Variants in RUSC2 observed in about 807,000 individuals in gnomAD.
RUSC2 encodes the protein AP-4 complex accessory subunit RUSC2.
RUSC2 carries 34 observed loss-of-function variants against 122.2 expected under a neutral mutation model. The observed-to-expected ratio is 0.28, with a 90% CI of 0.21 to 0.37. The LOEUF is 0.37. Among genes scored for constraint, RUSC2 ranks in the 10% least tolerant of loss-of-function variants. RUSC2 has a pLI of 1.00. For missense variants in RUSC2, 1,747 were observed against 1,952.4 expected (o/e 0.89, Z 1.98); for synonymous variants, 784 against 790.0 (o/e 0.99, Z 0.13).
intron 1 of RUSC2, among the ~76,000 whole-genome samples, chr9:35,492,073 C>A (rs1257937977): frequency 1.3e-5 from 2 of 151,974 alleles, no homozygotes; most frequent in African/African-American, 4.8e-5. Context: ...TTTTTAATGG[C>A]CTTTTCTACT....
chr9:35,547,483 A>G lies in RUSC2; in HGVS notation c.962A>G (p.Tyr321Cys), dbSNP rs1821781752. 1.2e-6 allele frequency: 2 copies of G among 1,614,170 alleles called. No individual in the cohort carries two copies. The highest frequency in any genetic ancestry group is 1.7e-6 in the Non-Finnish European group (2 of 1,180,040). The change falls in exon 2 of 12, where the codon TAT (tyrosine) becomes TGT (cysteine). Residue 321 changes from tyrosine (Y) to cysteine (C), a missense_variant. Coordinates refer to ENST00000361226, the MANE Select transcript of RUSC2 (RefSeq NM_014806.5). This position sits in a 1 kb window ranked among gnomAD's most constrained non-coding sequence, Gnocchi z 4.6. ...FCSHSDPGAF[Y>C]LDLQPSPFES... ...AGCCACTCAGACCCTGGCGCCTTCTATCTGGATCTGCAGCCCTCCCCATTT... is the reference window on the plus strand; with the variant it reads ...AGCCACTCAGACCCTGGCGCCTTCTGTCTGGATCTGCAGCCCTCCCCATTT...
chr9:35,556,403 G>A lies in RUSC2; in HGVS notation c.2938G>A (p.Asp980Asn). The A allele has an allele frequency of 6.2e-7, 1 of 1,614,228 alleles. No individual in the cohort carries two copies. The highest frequency in any genetic ancestry group is 2.2e-5 in the East Asian group (1 of 44,882). ...KPPAEFCLSP[D>N]GSSEAISIDL... ...TCCAGCTGAGTTTTGTCTGTCCCCA[G>A]ATGGCAGCTCAGAGGCCATTTCCAT... Residue 980 changes from aspartate (D) to asparagine (N), a missense_variant, in exon 5 of 12, where the codon GAT becomes AAT. Transcript: ENST00000361226.
At chr9:35,495,878 C>T (rs1820702894) in intron 1 of RUSC2, among the ~76,000 whole-genome samples, 1 of 152,108 alleles carries the variant, frequency 6.6e-6, no homozygotes, top group African/African-American at 2.4e-5. Flanking sequence ...ACAAGTCTTT[C>T]ACTTCCGTGG....
At position 35,555,285 on chromosome 9, in the gene RUSC2, C is replaced by T; in HGVS notation, c.2240C>T (p.Ser747Leu). Residue 747 changes from serine to leucine, a missense_variant, in exon 3 of 12, where the codon TCA (serine) becomes TTA (leucine). By Grantham distance (145) the Ser-to-Leu change is moderately radical (BLOSUM62 -2). Transcript: ENST00000361226. This position sits in a 1 kb window ranked among gnomAD's most constrained non-coding sequence, Gnocchi z 4.6. Reference sequence around the variant, plus strand: ...GCTCAAGTCTCAGTCCCAGCTCCCTCAGGGGAACCGCAGGCATCCACTCCC... The same window carrying T: ...GCTCAAGTCTCAGTCCCAGCTCCCTTAGGGGAACCGCAGGCATCCACTCCC... ...PAAQVSVPAP[S>L]GEPQASTPRA... The T allele has an allele frequency of 6.2e-7, 1 of 1,613,800 alleles. No homozygotes were observed.
chr9:35,503,708 T>G (rs1820859647), intron 1 of RUSC2, among the ~76,000 whole-genome samples: 1 of 148,036 alleles, frequency 6.8e-6, no homozygotes, highest in South Asian at 2.3e-4. Flanking sequence ...TGTACCAGTT[T>G]ACATTCCCAA....
chr9:35,530,361 A>G (rs964745991), intron 1 of RUSC2, among the ~76,000 whole-genome samples: 17 of 152,190 alleles, frequency 1.1e-4, no homozygotes, highest in African/African-American at 3.4e-4. Context: ...CTAGAAATGT[A>G]CCGTCATCAA....
intron 2 of RUSC2, chr9:35,549,051 A>G: frequency 7.1e-6 from 7 of 983,378 alleles, no homozygotes; most frequent in Non-Finnish European, 8.5e-6. Context: ...AAAATAAATA[A>G]ATACACTGAG....
chr9:35,551,566 G>A (rs545632890), intron 2 of RUSC2, among the ~76,000 whole-genome samples: 1 of 152,210 alleles, frequency 6.6e-6, no homozygotes, highest in South Asian at 2.1e-4. Flanking sequence ...GCATTCTGAG[G>A]GCAAGAAATA....
At chr9:35,536,806 C>G (rs1234185621) in intron 1 of RUSC2, among the ~76,000 whole-genome samples, 1 of 23,172 alleles carries the variant, frequency 4.3e-5, no homozygotes, top group African/African-American at 8.3e-5. Context: ...AAGAGTGAAA[C>G]TCAAAAAAAA....
intron 1 of RUSC2, among the ~76,000 whole-genome samples, chr9:35,506,923 C>G (rs1241051102): frequency 6.6e-6 from 1 of 152,080 alleles, no homozygotes; most frequent in East Asian, 1.9e-4. Flanking sequence ...CGAGACTAGC[C>G]TGAGCAACAT....
At position 35,549,041 on chromosome 9, in the gene RUSC2, A is replaced by T. The variant is rs184402899; in HGVS notation, c.2014+506A>T. 1.9e-3 allele frequency: 1,883 copies of T among 982,180 alleles called. 2 individuals are homozygous for T. The highest frequency in any genetic ancestry group is 2.1e-3 in the Middle Eastern group (4 of 1,902). The allele number at this position is 982,180 out of a possible 1,614,324, so 60.8% of individuals were successfully genotyped here. A position where few individuals can be genotyped will look rare whatever the true frequency, so the allele number is the denominator to read the frequency against. On this transcript the variant is annotated intron_variant, in intron 2 of 11. Coordinates refer to ENST00000361226, the MANE Select transcript of RUSC2 (RefSeq NM_014806.5). ...GAGTGAGATTCTGTCTCAAAAAAAA[A>T]AAATAAATAAATACACTGAGGAGAT...
In RUSC2 at chr9:35,548,623, C is replaced by G. The variant is rs192982250; in HGVS notation, c.2014+88C>G. ...CCCTGACAGGTCCCTGCCAGACCAC[C>G]CCATCCATACCACTAGAGGTTCCAC... is the stretch of plus-strand genomic sequence containing the variant. On this transcript the variant is annotated intron_variant, in intron 2 of 11. Transcript: ENST00000361226. This position sits in a 1 kb window ranked among gnomAD's most constrained non-coding sequence, Gnocchi z 4.5. 44 of 1,455,170 alleles carry G rather than the reference C, an allele frequency of 3.0e-5. No individual in the cohort carries two copies. The highest frequency in any genetic ancestry group is 3.5e-5 in the Non-Finnish European group (39 of 1,109,514). The allele number at this position is 1,455,170 out of a possible 1,614,324, so 90.1% of individuals were successfully genotyped here.
At position 35,492,135 on chromosome 9, in the gene RUSC2, G is replaced by C. The variant is rs1032931489; in HGVS notation, c.-93+1963G>C. ...ACCTCAGTTACCCCAGAACACCCTG[G>C]GTTATTTTTCTCCTCACCTCCAATA... On this transcript the variant is annotated intron_variant, in intron 1 of 11. Coordinates refer to ENST00000361226, the MANE Select transcript of RUSC2 (RefSeq NM_014806.5). Among the ~76,000 whole-genome samples, 51 of 151,926 alleles carry C rather than the reference G, an allele frequency of 3.4e-4. 3 individuals are homozygous for C.
intron 1 of RUSC2, among the ~76,000 whole-genome samples, chr9:35,498,158 G>GT (rs10590726): frequency 1.8e-4 from 26 of 145,402 alleles, no homozygotes; most frequent in Non-Finnish European, 1.8e-4. Context: ...TTTAGTTTTG[G>GT]TTTTTTTTTT....
At chr9:35,509,464 G>A (rs1396153344) in intron 1 of RUSC2, among the ~76,000 whole-genome samples, 1 of 152,164 alleles carries the variant, frequency 6.6e-6, no homozygotes, top group Non-Finnish European at 1.5e-5. Context: ...CATTGGGCAG[G>A]AAATTCTTGA....
Position 35,555,014 on chromosome 9 carries a change from G to C in RUSC2, c.2015-46G>C, listed in dbSNP as rs756544440. 3.1e-6 allele frequency: 5 copies of C among 1,601,340 alleles called. No individual in the cohort carries two copies. In the South Asian group the frequency reaches 5.5e-5, roughly 18 times the overall value. ...TGCTTCTGGGTTTTCTCTCATATGG[G>C]TTTCAGTGTCTGTCTACTGATTTCT... On this transcript the variant is annotated intron_variant, in intron 2 of 11. Transcript: ENST00000361226. The surrounding 1 kb of genome is among the most constrained non-coding windows in gnomAD (Gnocchi z 4.6).
At position 35,558,266 on chromosome 9, in the gene RUSC2, G is replaced by C; in HGVS notation, c.3130G>C (p.Val1044Leu). 1 of 1,614,124 alleles carries C rather than the reference G, an allele frequency of 6.2e-7. No homozygotes were observed. The highest frequency in any genetic ancestry group is 1.3e-5 in the African/African-American group (1 of 75,030). ...GGTTCTGAAGTACTTGTGCCCTGCC[G>C]TCCGCGCCGTGCTGGAGGATGGGCT... ...HLVLKYLCPA[V>L]RAVLEDGLKA... Residue 1044 changes from valine (V) to leucine (L), a missense_variant, in exon 7 of 12, where the codon GTC (valine) becomes CTC (leucine). Transcript: ENST00000361226. The surrounding 1 kb of genome is among the most constrained non-coding windows in gnomAD (Gnocchi z 4.3).
chr9:35,492,444 T>C (rs1312964771), intron 1 of RUSC2, among the ~76,000 whole-genome samples: 1 of 151,952 alleles, frequency 6.6e-6, no homozygotes, highest in Non-Finnish European at 1.5e-5. Context: ...ATGGTCTTGA[T>C]TGATCAGTGT....
intron 1 of RUSC2, among the ~76,000 whole-genome samples, chr9:35,515,985 C>A (rs139906808): frequency 1.5e-5 from 1 of 67,530 alleles, no homozygotes; most frequent in Non-Finnish European, 2.9e-5. Context: ...AGCGACACAG[C>A]GAGATTCTTG....
Sources: allele counts gnomAD v4.1 joint callset (sites outside exome capture counted in the v4.1 genomes callset), GRCh38; gene constraint gnomAD v4.1.1; non-coding constraint Gnocchi (gnomAD v3.1); transcripts MANE v1.5; gene names NCBI Gene and HGNC (gene_info 2026-07-23, HGNC 2026-07-21).